The following PRTFDC1 variants were observed in gnomAD, a reference collection of about 807,000 sequenced individuals.
PRTFDC1 encodes phosphoribosyltransferase domain-containing protein 1.
PRTFDC1 carries 38 observed loss-of-function variants against 34.6 expected under a neutral mutation model. The ratio of observed to expected loss-of-function variants is 1.10; its 90% CI spans 0.85 to 1.44. The LOEUF (loss-of-function observed/expected upper bound fraction) is 1.44, where lower values mean the gene tolerates loss of function less well. Among genes scored for constraint, PRTFDC1 ranks in the 40% most tolerant of loss-of-function variants. The probability of loss-of-function intolerance (pLI) is 0.00; values close to 1 mark genes in which losing one functional copy is unlikely to be tolerated. For synonymous variants in PRTFDC1, 93 were observed against 98.1 expected (o/e 0.95, Z 0.31); for missense variants, 270 against 283.0 (o/e 0.95, Z 0.33).
At chr10:24,888,092 C>T (rs1848200194) in intron 3 of PRTFDC1, among the ~76,000 whole-genome samples, 1 of 152,186 alleles carries the variant, frequency 6.6e-6, no homozygotes, top group Admixed American at 6.5e-5. Context: ...AGGTTGGTCA[C>T]AAACTTCTGG....
chr10:24,852,674 A>C (rs1391163312), intron 7 of PRTFDC1, among the ~76,000 whole-genome samples: 1 of 152,192 alleles, frequency 6.6e-6, no homozygotes, highest in African/African-American at 2.4e-5. Context: ...ATAAAGGTGC[A>C]CTGGTCCAGT....
rs556616650 is a variant in PRTFDC1 at position 24,942,438 on chromosome 10, T to C, written c.49-2A>G. 1.2e-6 allele frequency: 2 copies of C among 1,606,768 alleles called. No homozygotes were observed. Among genetic ancestry groups the C allele is most frequent in the South Asian group, 1.1e-5 (1 of 90,936 alleles). Reference sequence around the variant, plus strand: ...ATACCCTGGCCAATCATCCATAATCTGCAAATCAAATTATTTTGGTTATGG... The same window carrying C: ...ATACCCTGGCCAATCATCCATAATCCGCAAATCAAATTATTTTGGTTATGG... On this transcript the variant is annotated splice_acceptor_variant, in intron 1 of 8. Coordinates refer to ENST00000320152, the MANE Select transcript of PRTFDC1 (RefSeq NM_020200.7). LOFTEE classifies it high-confidence loss of function.
intron 3 of PRTFDC1, among the ~76,000 whole-genome samples, chr10:24,882,495 G>A (rs917899679): frequency 2.6e-5 from 4 of 152,078 alleles, no homozygotes; most frequent in Admixed American, 6.5e-5. Flanking sequence ...ACTTGTAAGC[G>A]CGCATGTTAG....
intron 2 of PRTFDC1, 79 bp downstream of exon 2, chr10:24,942,251 C>T (rs1049365819): frequency 8.3e-7 from 1 of 1,199,484 alleles, no homozygotes. Flanking sequence ...GAATAGGGTC[C>T]TAAAGTATAT....
At chr10:24,909,955 A>T (rs1848601471) in intron 3 of PRTFDC1, among the ~76,000 whole-genome samples, 1 of 151,504 alleles carries the variant, frequency 6.6e-6, no homozygotes, top group Admixed American at 6.6e-5. Context: ...GTTTGAGACA[A>T]GCCTGGCCAA....
At position 24,851,423 on chromosome 10, in the gene PRTFDC1, C is replaced by T; in HGVS notation, c.595G>A (p.Ala199Thr). ...CTGAAGTATTCATTGTAATCTAAGG[C>T]ATATCCCACCACAAATAAGTTTGGA... ...EIPNLFVVGY[A>T]LDYNEYFRDL... Residue 199 changes from alanine to threonine, a missense_variant, in exon 8 of 9, where the codon GCC (alanine) becomes ACC (threonine). Transcript: ENST00000320152. 5 of 1,612,278 alleles carry T rather than the reference C, an allele frequency of 3.1e-6. No homozygotes were observed. The highest frequency in any genetic ancestry group is 3.4e-6 in the Non-Finnish European group (4 of 1,179,678).
intron 2 of PRTFDC1, among the ~76,000 whole-genome samples, chr10:24,939,812 A>G (rs1271870247): frequency 2.2e-4 from 33 of 151,026 alleles, no homozygotes; most frequent in Admixed American, 1.3e-3. Context: ...AAAAAAAAAA[A>G]AAAGAAAAAG....
At chr10:24,900,137 T>G (rs940794260) in intron 3 of PRTFDC1, among the ~76,000 whole-genome samples, 1 of 152,212 alleles carries the variant, frequency 6.6e-6, no homozygotes. Flanking sequence ...GCCTCTCCCT[T>G]TTGAAAAGTG....
rs558394804 is a variant in PRTFDC1 at position 24,891,753 on chromosome 10, C to A, written c.340-19690G>T. On this transcript the variant is annotated intron_variant, in intron 3 of 8. Coordinates refer to ENST00000320152, the MANE Select transcript of PRTFDC1 (RefSeq NM_020200.7). ...TCCAGCATGGGCAACAGAGTGAGAA[C>A]TTGTCTCATTAACAACAACAAAAAA... is the stretch of plus-strand genomic sequence containing the variant. Among the ~76,000 whole-genome samples the A allele has an allele frequency of 2.6e-5, 4 of 152,250 alleles. No homozygotes were observed. The East Asian group carries it at 7.7e-4, about 29-fold the overall frequency.
In PRTFDC1 at chr10:24,866,958, G is replaced by A. The variant is rs78237212; in HGVS notation, c.405+5040C>T. On this transcript the variant is annotated intron_variant, in intron 4 of 8. Transcript: ENST00000320152. The stretch of plus-strand genomic sequence containing the variant: ...TGAGAAAGAAAGGTAGTTTCTCGGG[G>A]TTCAAAGTAAAAAATGTTTTATTTA... 6.2e-3 allele frequency among the ~76,000 whole-genome samples: 942 copies of A among 151,148 alleles called. 6 individuals carry two copies. Among genetic ancestry groups the A allele is most frequent in the Non-Finnish European group, 0.01 (698 of 67,854 alleles).
chr10:24,879,761 A>G (rs1242569506), intron 3 of PRTFDC1, among the ~76,000 whole-genome samples: 1 of 152,230 alleles, frequency 6.6e-6, no homozygotes, highest in Admixed American at 6.5e-5. Flanking sequence ...TTTGCCTTTT[A>G]TCAAATGGCA....
At chr10:24,931,902 AG>A (rs1246929607) in intron 3 of PRTFDC1, among the ~76,000 whole-genome samples, 1 of 127,940 alleles carries the variant, frequency 7.8e-6, no homozygotes, top group Non-Finnish European at 1.6e-5. Context: ...AATCAGAAAA[AG>A]GCACTATAAG....
chr10:24,932,870 T>G (rs1848991447), intron 3 of PRTFDC1, among the ~76,000 whole-genome samples: 1 of 152,108 alleles, frequency 6.6e-6, no homozygotes, highest in Non-Finnish European at 1.5e-5. Flanking sequence ...CTACTTAATT[T>G]ACAGAGTTAT....
At chr10:24,913,613 C>T (rs1045965142) in intron 3 of PRTFDC1, among the ~76,000 whole-genome samples, 2 of 152,128 alleles carry the variant, frequency 1.3e-5, no homozygotes, top group Non-Finnish European at 2.9e-5. Flanking sequence ...TCATCTCTGC[C>T]AGAAATAATC....
chr10:24,898,463 CAAAAA>C (rs36004025), intron 3 of PRTFDC1, among the ~76,000 whole-genome samples: 1 of 98,114 alleles, frequency 1.0e-5, no homozygotes. Flanking sequence ...GACCCTGTCT[CAAAAA>C]AAAAAAAAAA....
At chr10:24,874,838 T>C (rs1303664530) in intron 3 of PRTFDC1, among the ~76,000 whole-genome samples, 1 of 152,202 alleles carries the variant, frequency 6.6e-6, no homozygotes, top group Non-Finnish European at 1.5e-5. Context: ...TTCCCATGTG[T>C]CATGGGGAGG....
intron 6 of PRTFDC1, among the ~76,000 whole-genome samples, chr10:24,856,177 G>A (rs1306271173): frequency 1.3e-5 from 2 of 151,184 alleles, no homozygotes; most frequent in Non-Finnish European, 2.9e-5. Context: ...GCTGAGGTGG[G>A]AGGATCACTT....
rs151165649 is a variant in PRTFDC1, at chr10:24,918,312, G to A, written c.339+18872C>T. ...CTCTCTTGTCCAGTTTGTCATATGA[G>A]GTCACTTTTAACTATATCATATCAT... On this transcript the variant is annotated intron_variant, in intron 3 of 8. Coordinates refer to ENST00000320152, the MANE Select transcript of PRTFDC1 (RefSeq NM_020200.7). Among the ~76,000 whole-genome samples, 1,061 of 151,298 alleles carry A rather than the reference G, an allele frequency of 7.0e-3. 6 individuals carry two copies. The highest frequency in any genetic ancestry group is 0.034 in the Middle Eastern group (10 of 294).
intron 3 of PRTFDC1, among the ~76,000 whole-genome samples, chr10:24,906,176 A>G (rs1848531665): frequency 6.6e-6 from 1 of 152,094 alleles, no homozygotes. Flanking sequence ...TTGGGCAACT[A>G]TAGACATTGC....
Sources: allele counts gnomAD v4.1 joint callset (sites outside exome capture counted in the v4.1 genomes callset), GRCh38; gene constraint gnomAD v4.1.1; transcripts MANE v1.5; gene names NCBI Gene and HGNC (gene_info 2026-07-23, HGNC 2026-07-21).